Variants in GRAMD4 observed in about 807,000 individuals in gnomAD.
GRAMD4 encodes the protein GRAM domain containing 4.
GRAMD4 carries 25 observed loss-of-function variants against 83.9 expected under a neutral mutation model. That is an observed-to-expected ratio of 0.30 (90% CI 0.22 to 0.42). The LOEUF (loss-of-function observed/expected upper bound fraction) is 0.42. GRAMD4 is among the 10% of genes least tolerant of loss of function. The pLI, the probability that GRAMD4 is intolerant of heterozygous loss-of-function variation, is 1.00. For synonymous variants in GRAMD4, 336 were observed against 320.9 expected (o/e 1.05, Z -0.50); for missense variants, 593 against 788.7 (o/e 0.75, Z 2.97).
upstream of GRAMD4, among the ~76,000 whole-genome samples, chr22:46,616,838 G>A (rs2081505776): frequency 1.8e-5 from 1 of 56,002 alleles, no homozygotes. Context: ...ACGTTCCCCT[G>A]TGTGTACGTT....
At chr22:46,603,726 C>G (rs1203297452) in intron 1 of GRAMD4, among the ~76,000 whole-genome samples, 2 of 151,468 alleles carry the variant, frequency 1.3e-5, no homozygotes, top group Non-Finnish European at 2.9e-5. Context: ...ATGTGTTAGC[C>G]AGGATGGTCT....
At chr22:46,667,997 C>A (rs1004754488) in intron 10 of GRAMD4, 99 bp from the exon 11 acceptor site, 36 of 812,708 alleles carry the variant, frequency 4.4e-5, no homozygotes, top group Admixed American at 1.3e-4. Context: ...GTGGGGACAG[C>A]AGAGTCCCTG....
intron 3 of GRAMD4, among the ~76,000 whole-genome samples, chr22:46,650,530 G>A (rs996526223): frequency 6.6e-6 from 1 of 152,238 alleles, no homozygotes; most frequent in East Asian, 1.9e-4. Context: ...TCAAATCAGC[G>A]TGGCCGTTCA....
At chr22:46,603,229 A>T (rs1452678527) in intron 1 of GRAMD4, among the ~76,000 whole-genome samples, 1 of 96,160 alleles carries the variant, frequency 1.0e-5, no homozygotes, top group Non-Finnish European at 1.8e-5. Context: ...TTTTTTTGAG[A>T]CGGAGTCTCG....
In GRAMD4 at chr22:46,622,631, G is replaced by T. The variant is rs1330276935; in HGVS notation, c.-50+2066G>T. On this transcript the variant is annotated intron_variant, in intron 1 of 18. Coordinates refer to ENST00000406902, the MANE Select transcript of GRAMD4 (RefSeq NM_015124.5). The surrounding 1 kb of genome is among the most constrained non-coding windows in gnomAD (Gnocchi z 4.0). The stretch of plus-strand genomic sequence containing the variant: ...CTGCACGCTAAAAACTGGTGAAGTT[G>T]GGCTGAGCACGGCGGCTCACGCCTG... 6.6e-6 allele frequency among the ~76,000 whole-genome samples: 1 copy of T among 152,118 alleles called. No individual in the cohort carries two copies. The highest frequency in any genetic ancestry group is 1.5e-5 in the Non-Finnish European group (1 of 68,020).
intron 1 of GRAMD4, among the ~76,000 whole-genome samples, chr22:46,589,004 C>T (rs1303409916): frequency 6.6e-6 from 1 of 152,098 alleles, no homozygotes; most frequent in Non-Finnish European, 1.5e-5. Flanking sequence ...GCAACCACAG[C>T]TCGTAACTGT....
chr22:46,624,183 T>G (rs2081619010), intron 1 of GRAMD4, among the ~76,000 whole-genome samples: 1 of 152,072 alleles, frequency 6.6e-6, no homozygotes. Context: ...TTACTTTCTT[T>G]TTACAAATGA....
intron 2 of GRAMD4, among the ~76,000 whole-genome samples, chr22:46,628,749 G>A (rs1167338674): frequency 6.6e-6 from 1 of 152,144 alleles, no homozygotes; most frequent in Non-Finnish European, 1.5e-5. Flanking sequence ...GTCTTCACCT[G>A]GGGCAGAACA....
rs1017077170 is a variant in GRAMD4, at chr22:46,679,365, G to A, written c.*2114G>A. The A allele has an allele frequency of 1.2e-5, 12 of 985,336 alleles. No individual in the cohort carries two copies. In the South Asian group the frequency reaches 5.2e-4, roughly 42 times the overall value. 61.0% of individuals were successfully genotyped at this position (985,336 alleles called of 1,614,324 possible). A position where few individuals can be genotyped will look rare whatever the true frequency, so the allele number is the denominator to read the frequency against. On this transcript the variant is annotated 3_prime_UTR_variant, in exon 19 of 19. Coordinates refer to ENST00000406902, the MANE Select transcript of GRAMD4 (RefSeq NM_015124.5). ...GGTGTGGCCGAAGCCCCCAGGGAGG[G>A]CCACATTCGGGGAGCGGGGGGTCGG...
Position 46,668,838 on chromosome 22 carries a change from G to A in GRAMD4, c.1014G>A (p.Leu338=). 1.2e-6 allele frequency: 2 copies of A among 1,612,914 alleles called. No individual in the cohort carries two copies. Among genetic ancestry groups the A allele is most frequent in the Admixed American group, 1.7e-5 (1 of 60,002 alleles). Reference sequence around the variant, plus strand: ...TCCAGCCGGAGATCACACAGAAGCTGTATGTGGCGCTCTGGGCTGCCTTCC... The same window carrying A: ...TCCAGCCGGAGATCACACAGAAGCTATATGTGGCGCTCTGGGCTGCCTTCC... The part of the protein sequence containing the change: ...MWVQPEITQK[L]YVALWAAFLA... The change falls in exon 13 of 19, where the codon CTG becomes CTA. Residue 338 remains leucine (L), a synonymous_variant. Coordinates refer to ENST00000406902, the MANE Select transcript of GRAMD4 (RefSeq NM_015124.5).
At chr22:46,661,480 G>A (rs771672808) in intron 5 of GRAMD4, 38 bp downstream of exon 5, 37 of 1,395,476 alleles carry the variant, frequency 2.7e-5, no homozygotes, top group Non-Finnish European at 3.7e-5. Flanking sequence ...CAGGCGGGCG[G>A]GTGGGTGGCT....
chr22:46,579,090 G>T (rs1019840883), intron 1 of GRAMD4, among the ~76,000 whole-genome samples: 11 of 152,258 alleles, frequency 7.2e-5, no homozygotes, highest in African/African-American at 2.4e-4. Flanking sequence ...GGTGATGTCT[G>T]TCTTGCACTC....
intron 3 of GRAMD4, among the ~76,000 whole-genome samples, chr22:46,643,181 A>G (rs1227304008): frequency 7.5e-6 from 1 of 132,598 alleles, no homozygotes; most frequent in South Asian, 2.6e-4. Context: ...CCATCCATCC[A>G]TCCATCCATC....
intron 2 of GRAMD4, among the ~76,000 whole-genome samples, chr22:46,633,360 C>T (rs1253933606): frequency 6.6e-6 from 1 of 152,236 alleles, no homozygotes; most frequent in African/African-American, 2.4e-5. Context: ...GTGGCTCCCT[C>T]TCCTGCCCTC....
In GRAMD4 at chr22:46,626,749, AG is replaced by A. The variant is rs1308267040; in HGVS notation, c.-48del. ...GAGAGTGACCACGCCCCTCTCTTGC[AG>A]GGAACCCGAGCGTCATGTTAGGGTG... On this transcript the variant is annotated splice_acceptor_variant, in intron 1 of 18. Coordinates refer to ENST00000406902, the MANE Select transcript of GRAMD4 (RefSeq NM_015124.5). LOFTEE classifies it low-confidence loss of function (5UTR_SPLICE). 1 of 1,590,786 alleles carries A rather than the reference AG, an allele frequency of 6.3e-7. No individual in the cohort carries two copies.
At chr22:46,656,069 G>A (rs577087632) in intron 3 of GRAMD4, among the ~76,000 whole-genome samples, 10 of 152,106 alleles carry the variant, frequency 6.6e-5, no homozygotes, top group Non-Finnish European at 1.5e-4. Context: ...CAGCCTCCAC[G>A]GGGAGGGTCT....
In GRAMD4 at chr22:46,641,392, T is replaced by TAAGG. The variant is rs61099873; in HGVS notation, c.283+3459_283+3462dup. Among the ~76,000 whole-genome samples the TAAGG allele has an allele frequency of 3.5e-3, 532 of 150,298 alleles. 1 individual carries two copies. The highest frequency in any genetic ancestry group is 0.011 in the African/African-American group (447 of 40,830). ...GCGGCCCCATCTCTAAATAAATAAA[T>TAAGG]AAGGAAGGAAGGAAGGAAGGAAGGA... is the stretch of plus-strand genomic sequence containing the variant. On this transcript the variant is annotated intron_variant, in intron 3 of 18. Coordinates refer to ENST00000406902, the MANE Select transcript of GRAMD4 (RefSeq NM_015124.5).
upstream of GRAMD4, among the ~76,000 whole-genome samples, chr22:46,616,307 T>C (rs1228102658): frequency 3.5e-5 from 1 of 28,392 alleles, no homozygotes; most frequent in African/African-American, 1.2e-4. Flanking sequence ...TGGCTTCCCC[T>C]GTGTGTAGGT....
chr22:46,657,024 G>A (rs953345261), intron 3 of GRAMD4, among the ~76,000 whole-genome samples: 3 of 152,340 alleles, frequency 2.0e-5, no homozygotes, highest in African/African-American at 4.8e-5. Context: ...GCTGGGTTCT[G>A]CAAGCCACTG....
Sources: allele counts gnomAD v4.1 joint callset (sites outside exome capture counted in the v4.1 genomes callset), GRCh38; gene constraint gnomAD v4.1.1; non-coding constraint Gnocchi (gnomAD v3.1); transcripts MANE v1.5; gene names NCBI Gene and HGNC (gene_info 2026-07-23, HGNC 2026-07-21).